The following STAG1 variants were observed in gnomAD, a reference collection of about 807,000 sequenced individuals.
The protein encoded by STAG1 is STAG1 cohesin complex component, also known as cohesin subunit SA-1.
In STAG1, 26 loss-of-function variants were observed where a neutral mutation model predicts 170.9. The observed-to-expected ratio is 0.15, with a 90% CI of 0.11 to 0.21. STAG1 has a LOEUF of 0.21. Among genes scored for constraint, STAG1 ranks in the 10% least tolerant of loss-of-function variants. The probability of loss-of-function intolerance (pLI) is 1.00; values close to 1 mark genes in which losing one functional copy is unlikely to be tolerated. For missense variants in STAG1, 964 were observed against 1,509.5 expected (o/e 0.64, Z 5.99); for synonymous variants, 514 against 497.7 (o/e 1.03, Z -0.44).
At chr3:136,619,857 G>A (rs1360670291) in intron 3 of STAG1, among the ~76,000 whole-genome samples, 2 of 151,056 alleles carry the variant, frequency 1.3e-5, no homozygotes, top group Admixed American at 1.3e-4. Flanking sequence ...GTTGAGCCCA[G>A]GAGTTTAAGA....
At chr3:136,434,690 A>G (rs1164231756) in intron 15 of STAG1, among the ~76,000 whole-genome samples, 1 of 152,092 alleles carries the variant, frequency 6.6e-6, no homozygotes, top group Admixed American at 6.5e-5. Flanking sequence ...CTTTTGTTTT[A>G]TGGCTTCCAG....
intron 1 of STAG1, among the ~76,000 whole-genome samples, chr3:136,651,500 AAAGTTAGTAAATATTTAC>A (rs1260575639): frequency 3.9e-5 from 6 of 152,260 alleles, no homozygotes; most frequent in Non-Finnish European, 7.4e-5. Flanking sequence ...TAAATATTAA[AAAGTTAGTAAATATTTAC>A]AAGTTAGTAA....
At chr3:136,338,345 A>AT in intron 33 of STAG1, 25 bp downstream of exon 33, 1 of 1,597,436 alleles carries the variant, frequency 6.3e-7, no homozygotes, top group Non-Finnish European at 8.6e-7. Context: ...CCATAAATAA[A>AT]AAGCAGTAAT....
chr3:136,438,937 C>T (rs1441188842), intron 15 of STAG1, among the ~76,000 whole-genome samples: 1 of 151,980 alleles, frequency 6.6e-6, no homozygotes, highest in East Asian at 1.9e-4. Flanking sequence ...TGGCTCATTC[C>T]TGTAATCCCA....
chr3:136,751,548 G>A (rs746429922), intron 1 of STAG1, among the ~76,000 whole-genome samples: 10 of 152,094 alleles, frequency 6.6e-5, no homozygotes, highest in Non-Finnish European at 1.5e-5. Context: ...GGGGCTGAGA[G>A]GGCAGATAGC....
chr3:136,343,165 CAAGT>C (rs1316955538), intron 30 of STAG1, among the ~76,000 whole-genome samples: 2 of 152,164 alleles, frequency 1.3e-5, no homozygotes, highest in African/African-American at 4.8e-5. Flanking sequence ...CACAGAAACA[CAAGT>C]GAGGAGCTCA....
chr3:136,518,484 A>G (rs1008513670), intron 7 of STAG1: 59 of 671,176 alleles, frequency 8.8e-5, no homozygotes, highest in African/African-American at 6.3e-4. Flanking sequence ...AAATAAGAAG[A>G]GGGCAAAGAT....
At chr3:136,666,837 AC>A (rs1344686120) in intron 1 of STAG1, among the ~76,000 whole-genome samples, 2 of 151,122 alleles carry the variant, frequency 1.3e-5, no homozygotes, top group East Asian at 1.9e-4. Context: ...AAAAAAAAAA[AC>A]CTGTTTGATG....
At chr3:136,523,968 A>G (rs986025794) in intron 6 of STAG1, among the ~76,000 whole-genome samples, 2 of 152,140 alleles carry the variant, frequency 1.3e-5, no homozygotes, top group Admixed American at 1.3e-4. Context: ...CTGTTTTGGT[A>G]CCAGTGCCAT....
chr3:136,336,886 T>G lies in STAG1; in HGVS notation c.*1368A>C, dbSNP rs1436356765. 2 of 152,240 alleles carry G rather than the reference T, an allele frequency of 1.3e-5. No homozygotes were observed. Among genetic ancestry groups the G allele is most frequent in the Non-Finnish European group, 2.9e-5 (2 of 68,048 alleles). 9.4% of individuals were successfully genotyped at this position (152,240 alleles called of 1,614,324 possible). A position where few individuals can be genotyped will look rare whatever the true frequency, so the allele number is the denominator to read the frequency against. ...CCTCATGATTCTGTTGCAGCTACTT[T>G]AAAAACCAGCCCAGAAACAGCTGTG... On this transcript the variant is annotated 3_prime_UTR_variant, in exon 34 of 34. Coordinates refer to ENST00000383202, the MANE Select transcript of STAG1 (RefSeq NM_005862.3).
At chr3:136,555,217 T>A (rs1366040911) in intron 5 of STAG1, among the ~76,000 whole-genome samples, 1 of 151,312 alleles carries the variant, frequency 6.6e-6, no homozygotes, top group African/African-American at 2.4e-5. Flanking sequence ...ATCAAAATAA[T>A]AAAAACACCA....
chr3:136,597,221 A>G (rs1377957818), intron 4 of STAG1, among the ~76,000 whole-genome samples: 1 of 152,222 alleles, frequency 6.6e-6, no homozygotes, highest in East Asian at 1.9e-4. Flanking sequence ...TTTTATAAAC[A>G]TGTAAAAAAA....
intron 22 of STAG1, among the ~76,000 whole-genome samples, chr3:136,387,358 C>A (rs1223596374): frequency 6.6e-6 from 1 of 152,168 alleles, no homozygotes; most frequent in African/African-American, 2.4e-5. Context: ...CTGTTCTGAG[C>A]TATAAAGATC....
chr3:136,396,979 C>T lies in STAG1; in HGVS notation c.2277+1770G>A, dbSNP rs181466875. Among the ~76,000 whole-genome samples the T allele has an allele frequency of 4.9e-4, 74 of 152,226 alleles. No homozygotes were observed. The East Asian group carries it at 0.014, about 29-fold the overall frequency. Reference sequence around the variant, plus strand: ...GAAAAAGAATTTAAAAATCCTACTACTTTCTAAATGCAGAGATCCTCAAAT... The same window carrying T: ...GAAAAAGAATTTAAAAATCCTACTATTTTCTAAATGCAGAGATCCTCAAAT... On this transcript the variant is annotated intron_variant, in intron 22 of 33. Transcript: ENST00000383202.
chr3:136,672,176 C>A (rs1374519797), intron 1 of STAG1, among the ~76,000 whole-genome samples: 3 of 152,280 alleles, frequency 2.0e-5, no homozygotes, highest in East Asian at 3.9e-4. Flanking sequence ...CATCTGACTA[C>A]AAGAACAGAA....
intron 4 of STAG1, among the ~76,000 whole-genome samples, chr3:136,582,555 T>C (rs1370176433): frequency 6.6e-6 from 1 of 152,188 alleles, no homozygotes; most frequent in African/African-American, 2.4e-5. Context: ...TCCCAGCACT[T>C]GGAGAGGCTG....
chr3:136,406,730 G>A (rs576401308), intron 21 of STAG1, among the ~76,000 whole-genome samples: 3 of 152,074 alleles, frequency 2.0e-5, no homozygotes, highest in African/African-American at 7.2e-5. Context: ...TCAATGTACT[G>A]TATTATTAGC....
chr3:136,597,519 C>G (rs1241824476), intron 4 of STAG1, among the ~76,000 whole-genome samples: 1 of 152,154 alleles, frequency 6.6e-6, no homozygotes, highest in African/African-American at 2.4e-5. Flanking sequence ...GTAGTTTATT[C>G]TGTTCCACCC....
intron 1 of STAG1, among the ~76,000 whole-genome samples, chr3:136,739,043 G>A (rs1934509202): frequency 6.6e-6 from 1 of 152,102 alleles, no homozygotes; most frequent in African/African-American, 2.4e-5. Context: ...ATGGAATAGG[G>A]AAGAAAATCA....
Sources: allele counts gnomAD v4.1 joint callset (sites outside exome capture counted in the v4.1 genomes callset), GRCh38; gene constraint gnomAD v4.1.1; transcripts MANE v1.5; gene names NCBI Gene and HGNC (gene_info 2026-07-23, HGNC 2026-07-21).